Variants in LRRIQ1 observed in about 807,000 individuals in gnomAD.
LRRIQ1 encodes the protein leucine rich repeats and IQ motif containing 1.
In LRRIQ1, 210 loss-of-function variants were observed where a neutral mutation model predicts 211.9. That is an observed-to-expected ratio of 0.99 (90% CI 0.89 to 1.11). LRRIQ1 has a LOEUF of 1.11. LRRIQ1 is among the 50% of genes most tolerant of loss of function. The pLI is 0.00. For synonymous variants in LRRIQ1, 699 were observed against 650.1 expected (o/e 1.08, Z -1.14); for missense variants, 2,136 against 1,939.5 (o/e 1.10, Z -1.90).
intron 15 of LRRIQ1, among the ~76,000 whole-genome samples, chr12:85,112,248 A>C (rs1592817873): frequency 1.3e-5 from 2 of 151,744 alleles, no homozygotes; most frequent in East Asian, 1.9e-4. Flanking sequence ...TTAGATTTGG[A>C]TCTATTTTCT....
intron 24 of LRRIQ1, among the ~76,000 whole-genome samples, chr12:85,221,847 T>C (rs184289753): frequency 6.6e-6 from 1 of 152,308 alleles, no homozygotes; most frequent in East Asian, 1.9e-4. Context: ...ACCTATGAGA[T>C]GGCACAATTA....
At chr12:85,090,913 C>T (rs1481170226) in intron 11 of LRRIQ1, among the ~76,000 whole-genome samples, 2 of 151,964 alleles carry the variant, frequency 1.3e-5, no homozygotes, top group South Asian at 2.1e-4. Context: ...TGTTCCTGCC[C>T]GAGTCTCATG....
intron 3 of LRRIQ1, among the ~76,000 whole-genome samples, chr12:85,044,001 T>G (rs1484318248): frequency 6.6e-6 from 1 of 152,128 alleles, no homozygotes; most frequent in Non-Finnish European, 1.5e-5. Flanking sequence ...GCTGCAAAGG[T>G]ATCTGGATGA....
chr12:85,060,573 T>C (rs1881675663), intron 8 of LRRIQ1, among the ~76,000 whole-genome samples: 1 of 151,936 alleles, frequency 6.6e-6, no homozygotes, highest in Admixed American at 6.6e-5. Flanking sequence ...TAAATTGTAA[T>C]GAACTGCTAT....
intron 24 of LRRIQ1, among the ~76,000 whole-genome samples, chr12:85,224,289 CT>C (rs1894542588): frequency 6.6e-6 from 1 of 152,100 alleles, no homozygotes. Context: ...CACTTTTACA[CT>C]GTTGGTGGGA....
intron 23 of LRRIQ1, among the ~76,000 whole-genome samples, chr12:85,158,172 T>C (rs960713959): frequency 4.6e-5 from 7 of 151,904 alleles, no homozygotes; most frequent in African/African-American, 1.7e-4. Context: ...TGAAACACTC[T>C]TGACATCTCA....
chr12:85,177,760 A>G (rs1354479849), intron 24 of LRRIQ1, among the ~76,000 whole-genome samples: 1 of 152,130 alleles, frequency 6.6e-6, no homozygotes, highest in African/African-American at 2.4e-5. Context: ...TTGTTTTCCA[A>G]GTAACAATTA....
At chr12:85,214,653 T>G (rs2137087909) in intron 24 of LRRIQ1, among the ~76,000 whole-genome samples, 1 of 152,036 alleles carries the variant, frequency 6.6e-6, no homozygotes, top group South Asian at 2.1e-4. Context: ...ATAGGTAGGG[T>G]TTTCTAAATC....
chr12:85,062,089 A>G (rs1353140708), intron 8 of LRRIQ1, among the ~76,000 whole-genome samples: 1 of 151,846 alleles, frequency 6.6e-6, no homozygotes, highest in African/African-American at 2.4e-5. Flanking sequence ...TGCATTCTAA[A>G]ATTTTGTACT....
intron 18 of LRRIQ1, among the ~76,000 whole-genome samples, chr12:85,137,233 T>C (rs1454896055): frequency 1.3e-5 from 2 of 151,302 alleles, no homozygotes; most frequent in Non-Finnish European, 3.0e-5. Flanking sequence ...TCATTCCACA[T>C]GAGCATAAAT....
downstream of LRRIQ1, among the ~76,000 whole-genome samples, chr12:85,245,886 T>C: frequency 6.6e-6 from 1 of 150,952 alleles, no homozygotes; most frequent in East Asian, 1.9e-4. Context: ...TACATATATA[T>C]ATAGAGAGAG....
chr12:85,148,589 T>C (rs1351089902), intron 19 of LRRIQ1, among the ~76,000 whole-genome samples: 20 of 152,170 alleles, frequency 1.3e-4, no homozygotes, highest in Middle Eastern at 3.4e-3. Context: ...TTTGCTATTA[T>C]AAATAGTGCT....
chr12:85,176,167 CCT>C (rs1486711182), intron 24 of LRRIQ1, among the ~76,000 whole-genome samples: 1 of 152,022 alleles, frequency 6.6e-6, no homozygotes, highest in Admixed American at 6.6e-5. Context: ...TTGTTTGTAT[CCT>C]CTTTTATTTC....
intron 18 of LRRIQ1, among the ~76,000 whole-genome samples, chr12:85,133,557 A>T (rs1888918669): frequency 6.6e-6 from 1 of 152,160 alleles, no homozygotes; most frequent in South Asian, 2.1e-4. Context: ...GCTGAAATAG[A>T]TGGTGAGGTT....
chr12:85,219,782 A>G (rs1894313384), intron 24 of LRRIQ1, among the ~76,000 whole-genome samples: 1 of 152,138 alleles, frequency 6.6e-6, no homozygotes, highest in Non-Finnish European at 1.5e-5. Flanking sequence ...ATACTTAAAT[A>G]TATTTTTAAA....
intron 24 of LRRIQ1, among the ~76,000 whole-genome samples, chr12:85,217,672 GTATATATGTA>G (rs1327604329): frequency 1.6e-5 from 2 of 128,280 alleles, no homozygotes; most frequent in East Asian, 4.0e-4. Context: ...GTATATATGT[GTATATATGTA>G]TATATGTGTA....
rs138475055 is a variant in LRRIQ1 at position 85,072,125 on chromosome 12, G to A, written c.2696-782G>A. 1.7e-3 allele frequency among the ~76,000 whole-genome samples: 256 copies of A among 151,834 alleles called. 3 individuals are homozygous for A. The highest frequency in any genetic ancestry group is 5.8e-3 in the African/African-American group (241 of 41,420). ...CTTAAATCTATAGATTTTCCTCTGA[G>A]CAATGCTTATTCTGTAACTTGTGAC... On this transcript the variant is annotated intron_variant, in intron 10 of 26. Transcript: ENST00000393217.
At chr12:85,200,568 C>G (rs566924775) in intron 24 of LRRIQ1, among the ~76,000 whole-genome samples, 1 of 152,208 alleles carries the variant, frequency 6.6e-6, no homozygotes, top group South Asian at 2.1e-4. Flanking sequence ...CAGCTTTTGC[C>G]CATTCAGTAT....
chr12:85,196,673 A>T (rs1892932402), intron 24 of LRRIQ1, among the ~76,000 whole-genome samples: 1 of 152,138 alleles, frequency 6.6e-6, no homozygotes, highest in Admixed American at 6.6e-5. Context: ...TACAAAAATC[A>T]ATTCGAGATG....
Sources: gnomAD v4.1 joint callset for allele counts (sites outside exome capture counted in the v4.1 genomes callset) on GRCh38, gnomAD v4.1.1 for gene constraint, MANE v1.5 for transcripts, NCBI Gene and HGNC (gene_info 2026-07-23, HGNC 2026-07-21) for gene names.